OSBPL1A: variants seen among roughly 807,000 people sequenced by gnomAD.
The protein encoded by OSBPL1A is oxysterol-binding protein-related protein 1.
In OSBPL1A, 80 loss-of-function variants were observed where a neutral mutation model predicts 137.1. The ratio of observed to expected loss-of-function variants is 0.58; its 90% CI spans 0.49 to 0.70. OSBPL1A has a LOEUF of 0.70. OSBPL1A is among the 30% of genes least tolerant of loss of function. OSBPL1A has a pLI of 0.00. For synonymous variants in OSBPL1A, 365 were observed against 389.7 expected, an observed-to-expected ratio of 0.94 and a Z score of 0.75; for missense variants, 970 against 1,129.4, an observed-to-expected ratio of 0.86 and a Z score of 2.02.
At chr18:24,288,402 A>G (rs978810564) in intron 14 of OSBPL1A, among the ~76,000 whole-genome samples, 2 of 152,344 alleles carry the variant, frequency 1.3e-5, no homozygotes, top group South Asian at 4.1e-4. Context: ...GGCTGTGACC[A>G]TTCCAATTGG....
chr18:24,225,024 T>G lies in OSBPL1A; in HGVS notation c.1601+18A>C, dbSNP rs766820605. The G allele has an allele frequency of 2.5e-5, 41 of 1,613,346 alleles. No homozygotes were observed. The highest frequency in any genetic ancestry group is 3.3e-5 in the Non-Finnish European group (39 of 1,179,588). ...ATCGTAAAAACGCAGCAGTGACAAC[T>G]GTCAGAGGCGATCCTACCTGTGTTT... On this transcript the variant is annotated intron_variant, in intron 17 of 27. Transcript: ENST00000319481.
intron 15 of OSBPL1A, among the ~76,000 whole-genome samples, chr18:24,255,189 T>C (rs1022123050): frequency 1.3e-5 from 2 of 151,966 alleles, no homozygotes; most frequent in Non-Finnish European, 2.9e-5. Context: ...ATAACAAGTA[T>C]CTAGATAAAA....
At chr18:24,305,777 C>T (rs1361562572) in intron 13 of OSBPL1A, among the ~76,000 whole-genome samples, 1 of 152,076 alleles carries the variant, frequency 6.6e-6, no homozygotes, top group East Asian at 1.9e-4. Flanking sequence ...TGGGGGTGGG[C>T]TTTTCCTGTG....
chr18:24,174,980 T>A (rs560188097), intron 21 of OSBPL1A, among the ~76,000 whole-genome samples: 1 of 151,078 alleles, frequency 6.6e-6, no homozygotes, highest in Non-Finnish European at 1.5e-5. Flanking sequence ...ATTTTCACTA[T>A]GTTGCCTAGG....
intron 15 of OSBPL1A, among the ~76,000 whole-genome samples, chr18:24,276,436 T>A (rs2089847443): frequency 6.6e-6 from 1 of 152,122 alleles, no homozygotes; most frequent in East Asian, 1.9e-4. Flanking sequence ...CATAAGCAGT[T>A]TTTTTGTTTG....
chr18:24,203,620 T>G (rs1319020215), intron 17 of OSBPL1A, among the ~76,000 whole-genome samples: 1 of 152,172 alleles, frequency 6.6e-6, no homozygotes, highest in Non-Finnish European at 1.5e-5. Context: ...TTTGTTCTTT[T>G]TGCTTGCCAC....
intron 16 of OSBPL1A, among the ~76,000 whole-genome samples, chr18:24,229,259 C>T (rs1191821361): frequency 1.3e-5 from 2 of 152,096 alleles, no homozygotes; most frequent in Non-Finnish European, 2.9e-5. Flanking sequence ...ATGAGGTAGT[C>T]TCCCGATACA....
intron 1 of OSBPL1A, among the ~76,000 whole-genome samples, chr18:24,385,867 C>G (rs928673029): frequency 1.3e-5 from 2 of 152,112 alleles, no homozygotes; most frequent in East Asian, 3.9e-4. Flanking sequence ...GACACCTGGG[C>G]ATGTTTAAAG....
Position 24,179,731 on chromosome 18 carries a change from G to T in OSBPL1A, c.1910+7C>A. The T allele has an allele frequency of 1.2e-6, 2 of 1,611,300 alleles. No homozygotes were observed. The highest frequency in any genetic ancestry group is 1.7e-6 in the Non-Finnish European group (2 of 1,177,480). ...GCTGTATAAAGCATGCAAGTGAAAGGCCTCACCGCACTAATTCATAAGTCT... is the reference window on the plus strand; with the variant it reads ...GCTGTATAAAGCATGCAAGTGAAAGTCCTCACCGCACTAATTCATAAGTCT... On this transcript the variant is annotated splice_region_variant and intron_variant, in intron 20 of 27. Coordinates refer to ENST00000319481, the MANE Select transcript of OSBPL1A (RefSeq NM_080597.4).
intron 26 of OSBPL1A, among the ~76,000 whole-genome samples, chr18:24,165,751 G>A (rs1364211660): frequency 1.3e-5 from 2 of 152,104 alleles, no homozygotes; most frequent in African/African-American, 4.8e-5. Flanking sequence ...TCCTTGGGGG[G>A]AAAAATGCCC....
intron 14 of OSBPL1A, among the ~76,000 whole-genome samples, chr18:24,287,392 G>A (rs183553914): frequency 6.6e-6 from 1 of 152,308 alleles, no homozygotes; most frequent in Non-Finnish European, 1.5e-5. Flanking sequence ...AAAGAATAAG[G>A]TGCAGAACTG....
At chr18:24,338,120 G>A (rs1366064955) in intron 5 of OSBPL1A, among the ~76,000 whole-genome samples, 4 of 150,360 alleles carry the variant, frequency 2.7e-5, no homozygotes, top group South Asian at 2.1e-4. Context: ...TTGGCCAGGC[G>A]GGAGTGCAGT....
At chr18:24,270,152 G>T (rs886384799) in intron 15 of OSBPL1A, among the ~76,000 whole-genome samples, 1 of 152,240 alleles carries the variant, frequency 6.6e-6, no homozygotes, top group African/African-American at 2.4e-5. Context: ...TCAGAAAGCT[G>T]ATAAACAGTC....
rs533826086 is a variant in OSBPL1A, at chr18:24,162,943, A to G, written c.*236T>C. The G allele has an allele frequency of 8.4e-6, 3 of 355,808 alleles. No individual in the cohort carries two copies. The highest frequency in any genetic ancestry group is 4.3e-5 in the African/African-American group (2 of 46,482). The allele number at this position is 355,808 out of a possible 1,614,324, so 22.0% of individuals were successfully genotyped here. A position where few individuals can be genotyped will look rare whatever the true frequency, so the allele number is the denominator to read the frequency against. ...TCCCCAGCAGTGTTCTCTTACCTCT[A>G]TATAAAATAGTATTCCAAATAAGTA... On this transcript the variant is annotated 3_prime_UTR_variant, in exon 28 of 28. Transcript: ENST00000319481.
intron 3 of OSBPL1A, chr18:24,367,942 T>C (rs1425256624): frequency 6.1e-6 from 1 of 163,322 alleles, no homozygotes; most frequent in East Asian, 1.7e-4. Flanking sequence ...TTTTAATTTT[T>C]ATTTGTGTAT....
intron 14 of OSBPL1A, among the ~76,000 whole-genome samples, chr18:24,292,508 ACTC>A (rs1170313248): frequency 6.6e-6 from 1 of 152,098 alleles, no homozygotes; most frequent in African/African-American, 2.4e-5. Context: ...CATTTCACTC[ACTC>A]ATTCATCACA....
intron 4 of OSBPL1A, among the ~76,000 whole-genome samples, chr18:24,363,447 C>CTTTTT (rs575394950): frequency 3.1e-5 from 4 of 131,032 alleles, no homozygotes; most frequent in African/African-American, 9.0e-5. Flanking sequence ...TCTTTTTTTC[C>CTTTTT]TTTTTTTTTT....
chr18:24,362,082 A>AGGAATCC (rs1332340806), intron 4 of OSBPL1A, among the ~76,000 whole-genome samples: 4 of 152,040 alleles, frequency 2.6e-5, no homozygotes, highest in African/African-American at 9.7e-5. Flanking sequence ...TACTGTGCCC[A>AGGAATCC]GGAATCCTGG....
At position 24,312,190 on chromosome 18, in the gene OSBPL1A, A is replaced by C. The variant is rs1227625686; in HGVS notation, c.970-84T>G. 5 of 1,503,832 alleles carry C rather than the reference A, an allele frequency of 3.3e-6. No individual in the cohort carries two copies. The East Asian group carries it at 1.1e-4, about 35-fold the overall frequency. 93.2% of individuals were successfully genotyped at this position (1,503,832 alleles called of 1,614,324 possible). On this transcript the variant is annotated intron_variant, in intron 12 of 27. Transcript: ENST00000319481. ...TATTACAATGATCTGATAAGCATAA[A>C]ATTTACCTAGTGAAATAAATATTAT...
Sources: gnomAD v4.1 joint callset for allele counts (sites outside exome capture counted in the v4.1 genomes callset) on GRCh38, gnomAD v4.1.1 for gene constraint, MANE v1.5 for transcripts, NCBI Gene and HGNC (gene_info 2026-07-23, HGNC 2026-07-21) for gene names.